Variants in CLIC4 observed in about 807,000 individuals in gnomAD.
CLIC4 encodes chloride intracellular channel protein 4.
CLIC4 carries 13 observed loss-of-function variants against 24.6 expected under a neutral mutation model. The observed-to-expected ratio is 0.53, with a 90% CI of 0.34 to 0.84. The LOEUF (loss-of-function observed/expected upper bound fraction) is 0.84. Ranked by LOEUF, CLIC4 falls within the 40% of genes least tolerant of loss-of-function variation. CLIC4 has a pLI of 0.01. For missense variants in CLIC4, 227 were observed against 301.7 expected (o/e 0.75, Z 1.83); for synonymous variants, 104 against 111.3 (o/e 0.93, Z 0.41).
rs61009244 is a variant in CLIC4 at position 24,785,854 on chromosome 1, C to CAAA, written c.73-11868_73-11866dup. On this transcript the variant is annotated intron_variant, in intron 1 of 5. Transcript: ENST00000374379. ...TGGGTGACAGAGCGAGACTACAACT[C>CAAA]AAAAAAAAAAAAAAAAAAAAAAGAA... is the stretch of plus-strand genomic sequence containing the variant. Among the ~76,000 whole-genome samples, 549 of 58,796 alleles carry CAAA rather than the reference C, an allele frequency of 9.3e-3. 5 individuals are homozygous for CAAA. Among genetic ancestry groups the CAAA allele is most frequent in the African/African-American group, 0.032 (394 of 12,446 alleles). The allele number at this position is 58,796 out of a possible 152,430, so 38.6% of individuals were successfully genotyped here.
chr1:24,829,396 A>G (rs1639818154), intron 4 of CLIC4, among the ~76,000 whole-genome samples: 1 of 152,204 alleles, frequency 6.6e-6, no homozygotes, highest in Admixed American at 6.5e-5. Flanking sequence ...ATAGATAGAT[A>G]ACACATATAT....
Position 24,787,459 on chromosome 1 carries a change from A to G in CLIC4, c.73-10283A>G, listed in dbSNP as rs1408615932. Among the ~76,000 whole-genome samples, 3 of 152,290 alleles carry G rather than the reference A, an allele frequency of 2.0e-5. No individual in the cohort carries two copies. The East Asian group carries it at 5.8e-4, about 29-fold the overall frequency. The stretch of plus-strand genomic sequence containing the variant: ...TTATTGGATGTAATTCATATACAGT[A>G]TAATTCACCCATTTAAAATATACAG... On this transcript the variant is annotated intron_variant, in intron 1 of 5. Coordinates refer to ENST00000374379, the MANE Select transcript of CLIC4 (RefSeq NM_013943.3).
chr1:24,745,603 C>A lies in CLIC4; in HGVS notation c.50C>A (p.Pro17His). The stretch of plus-strand genomic sequence containing the variant: ...GGGCTGAAGGAGGAGGACAAAGAGC[C>A]CCTCATCGAGCTCTTCGTCAAGGTG... ...LNGLKEEDKE[P>H]LIELFVKAGS... The change falls in exon 1 of 6, where the codon CCC becomes CAC. Residue 17 changes from proline to histidine, a missense_variant. Pro to His is a moderately conservative substitution (Grantham distance 77). Transcript: ENST00000374379. 1 of 1,580,684 alleles carries A rather than the reference C, an allele frequency of 6.3e-7. No homozygotes were observed. The highest frequency in any genetic ancestry group is 8.6e-7 in the Non-Finnish European group (1 of 1,166,630).
At chr1:24,804,062 G>A (rs147662346) in intron 2 of CLIC4, among the ~76,000 whole-genome samples, 1 of 152,022 alleles carries the variant, frequency 6.6e-6, no homozygotes, top group South Asian at 2.1e-4. Flanking sequence ...TGTCTCTGTG[G>A]TTCCACCTTT....
At chr1:24,749,035 G>A (rs534223732) in intron 1 of CLIC4, among the ~76,000 whole-genome samples, 3 of 151,956 alleles carry the variant, frequency 2.0e-5, no homozygotes, top group South Asian at 2.1e-4. Flanking sequence ...GCAACATGGC[G>A]AAACCGCATT....
At chr1:24,785,535 G>T (rs1285753419) in intron 1 of CLIC4, among the ~76,000 whole-genome samples, 1 of 152,152 alleles carries the variant, frequency 6.6e-6, no homozygotes, top group African/African-American at 2.4e-5. Flanking sequence ...TCCAAACTTG[G>T]TTCCAGCATG....
chr1:24,821,876 G>A (rs12027779), intron 3 of CLIC4, among the ~76,000 whole-genome samples: 50,966 of 151,924 alleles, frequency 0.34, 8,933 homozygotes, highest in Middle Eastern at 0.51. Flanking sequence ...GTGAGCCACC[G>A]TGCCTGGCCA....
rs1639937288 is a variant in CLIC4 at position 24,841,050 on chromosome 1, T to C, written c.*113T>C. 2 of 840,596 alleles carry C rather than the reference T, an allele frequency of 2.4e-6. No homozygotes were observed. The highest frequency in any genetic ancestry group is 2.0e-5 in the South Asian group (1 of 49,868). The allele number at this position is 840,596 out of a possible 1,614,324, so 52.1% of individuals were successfully genotyped here. On this transcript the variant is annotated 3_prime_UTR_variant, in exon 6 of 6. Transcript: ENST00000374379. ...TGTATTTTGCACGAACATGCAGTTA[T>C]TGAAGATTAGGATCAAGGATAGACA...
At chr1:24,794,946 T>A (rs1164444579) in intron 1 of CLIC4, among the ~76,000 whole-genome samples, 1 of 152,198 alleles carries the variant, frequency 6.6e-6, no homozygotes, top group Non-Finnish European at 1.5e-5. Context: ...TGATTGAATA[T>A]GGAGTCTTTG....
intron 1 of CLIC4, among the ~76,000 whole-genome samples, chr1:24,781,260 G>A (rs1284993260): frequency 6.1e-5 from 9 of 148,716 alleles, no homozygotes; most frequent in South Asian, 4.3e-4. Context: ...TCAGCCTCCC[G>A]AGTTGCTGGG....
At chr1:24,774,768 G>T (rs1639113557) in intron 1 of CLIC4, among the ~76,000 whole-genome samples, 1 of 151,746 alleles carries the variant, frequency 6.6e-6, no homozygotes, top group Admixed American at 6.6e-5. Flanking sequence ...GACAGAGCGG[G>T]ACCTTGTCTG....
intron 1 of CLIC4, among the ~76,000 whole-genome samples, chr1:24,796,894 T>C (rs566498322): frequency 6.6e-6 from 1 of 152,290 alleles, no homozygotes; most frequent in East Asian, 1.9e-4. Flanking sequence ...CCATCATGCA[T>C]TAAATTCTCT....
chr1:24,839,981 G>A lies in CLIC4; in HGVS notation c.537G>A (p.Leu179=). 6.2e-7 allele frequency: 1 copy of A among 1,614,080 alleles called. No homozygotes were observed. ...EDIKFSTRKF[L]DGNEMTLADC... ...TAAAGTTTTCTACACGTAAATTTCT[G>A]GATGGCAATGAAATGACATTAGCTG... Residue 179 remains leucine, a synonymous_variant, in exon 5 of 6, where the codon CTG becomes CTA. Transcript: ENST00000374379.
intron 2 of CLIC4, among the ~76,000 whole-genome samples, chr1:24,798,337 A>T (rs956568685): frequency 6.6e-6 from 1 of 152,232 alleles, no homozygotes; most frequent in Non-Finnish European, 1.5e-5. Context: ...TTTAGCTATA[A>T]TGCAAGTATT....
At chr1:24,775,152 A>G (rs558946912) in intron 1 of CLIC4, among the ~76,000 whole-genome samples, 1 of 140,432 alleles carries the variant, frequency 7.1e-6, no homozygotes, top group South Asian at 2.2e-4. Context: ...TCAAATTATT[A>G]TTTCCTTGTA....
intron 4 of CLIC4, among the ~76,000 whole-genome samples, chr1:24,829,017 T>A (rs535083091): frequency 6.6e-6 from 1 of 152,340 alleles, no homozygotes; most frequent in African/African-American, 2.4e-5. Context: ...TTATGTATGT[T>A]TGCCGCAGGC....
intron 2 of CLIC4, among the ~76,000 whole-genome samples, chr1:24,798,603 C>T (rs1639432986): frequency 1.3e-5 from 2 of 152,186 alleles, no homozygotes; most frequent in Admixed American, 6.5e-5. Flanking sequence ...AGATTTAAAT[C>T]AAGGGTTAAG....
At chr1:24,769,368 G>T (rs746888601) in intron 1 of CLIC4, among the ~76,000 whole-genome samples, 7 of 152,148 alleles carry the variant, frequency 4.6e-5, no homozygotes, top group Non-Finnish European at 1.0e-4. Context: ...TGTGCCAGCC[G>T]TTTGCATGTG....
chr1:24,774,651 G>C (rs1255854270), intron 1 of CLIC4, among the ~76,000 whole-genome samples: 1 of 152,108 alleles, frequency 6.6e-6, no homozygotes, highest in Non-Finnish European at 1.5e-5. Flanking sequence ...AAAATAGCTG[G>C]ACATGGTGGC....
Sources: gnomAD v4.1 joint callset for allele counts (sites outside exome capture counted in the v4.1 genomes callset) on GRCh38, gnomAD v4.1.1 for gene constraint, MANE v1.5 for transcripts, NCBI Gene and HGNC (gene_info 2026-07-23, HGNC 2026-07-21) for gene names.